BICC1: variants seen among roughly 807,000 people sequenced by gnomAD.
BICC1 encodes the protein BicC family RNA binding protein 1.
In BICC1, 43 loss-of-function variants were observed where a neutral mutation model predicts 111.0. The ratio of observed to expected loss-of-function variants is 0.39; its 90% CI spans 0.30 to 0.50. The LOEUF (loss-of-function observed/expected upper bound fraction) is 0.50, where lower values mean the gene tolerates loss of function less well. BICC1 is among the 20% of genes least tolerant of loss of function. The pLI is 0.88. For synonymous variants in BICC1, 467 were observed against 434.4 expected (o/e 1.07, Z -0.93); for missense variants, 1,091 against 1,203.2 (o/e 0.91, Z 1.38).
rs1266077763 is a variant in BICC1 at position 58,585,634 on chromosome 10, A to G, written c.191-35221A>G. Among the ~76,000 whole-genome samples, 5 of 152,278 alleles carry G rather than the reference A, an allele frequency of 3.3e-5. No individual in the cohort carries two copies. The East Asian group carries it at 9.6e-4, about 29-fold the overall frequency. Reference sequence around the variant, plus strand: ...TTGTGCATTCTCCCTCCTCCCCCAGAAAAACCTTATACTTCCCCTTTTCTT... The same window carrying G: ...TTGTGCATTCTCCCTCCTCCCCCAGGAAAACCTTATACTTCCCCTTTTCTT... On this transcript the variant is annotated intron_variant, in intron 1 of 20. Transcript: ENST00000373886.
At chr10:58,575,954 C>T (rs1422030023) in intron 1 of BICC1, among the ~76,000 whole-genome samples, 1 of 152,118 alleles carries the variant, frequency 6.6e-6, no homozygotes, top group African/African-American at 2.4e-5. Context: ...AATATTTGAG[C>T]ATTTATGCTA....
chr10:58,830,969 C>G lies in BICC1; in HGVS notation c.*2078C>G. On this transcript the variant is annotated 3_prime_UTR_variant, in exon 21 of 21. Coordinates refer to ENST00000373886, the MANE Select transcript of BICC1 (RefSeq NM_001080512.3). ...AATAATCTTGGAGCTCTTTTCCCAG[C>G]TGTCTACCATGCATTTGCAACAGGA... is the stretch of plus-strand genomic sequence containing the variant. The G allele has an allele frequency of 6.6e-6, 1 of 152,212 alleles. No homozygotes were observed. Among genetic ancestry groups the G allele is most frequent in the East Asian group, 1.9e-4 (1 of 5,200 alleles). The allele number at this position is 152,212 out of a possible 1,614,324, so 9.4% of individuals were successfully genotyped here. A position where few individuals can be genotyped will look rare whatever the true frequency, so the allele number is the denominator to read the frequency against.
chr10:58,810,732 A>C (rs2132925394), intron 17 of BICC1, among the ~76,000 whole-genome samples: 1 of 152,308 alleles, frequency 6.6e-6, no homozygotes, highest in Admixed American at 6.5e-5. Context: ...ATTTTTATTA[A>C]AATAGAGACC....
chr10:58,753,052 T>C (rs1456380272), intron 3 of BICC1, among the ~76,000 whole-genome samples: 1 of 152,178 alleles, frequency 6.6e-6, no homozygotes, highest in Non-Finnish European at 1.5e-5. Flanking sequence ...GGTGTTCCAC[T>C]CTTCCTTCCT....
chr10:58,562,168 A>T (rs1050565125), intron 1 of BICC1, among the ~76,000 whole-genome samples: 3 of 152,128 alleles, frequency 2.0e-5, no homozygotes, highest in African/African-American at 7.2e-5. Flanking sequence ...GGATATTTTC[A>T]GCTAGTATTT....
intron 3 of BICC1, among the ~76,000 whole-genome samples, chr10:58,763,737 G>C (rs555157484): frequency 6.6e-6 from 1 of 152,062 alleles, no homozygotes; most frequent in Non-Finnish European, 1.5e-5. Flanking sequence ...TTTGGACCTG[G>C]CACGTTGAAA....
intron 18 of BICC1, 61 bp downstream of exon 18, chr10:58,814,047 G>C: frequency 6.3e-7 from 1 of 1,590,436 alleles, no homozygotes; most frequent in Non-Finnish European, 8.6e-7. Context: ...GTTTATTTGG[G>C]TTGGAGTATC....
intron 2 of BICC1, among the ~76,000 whole-genome samples, chr10:58,623,755 T>C (rs1845899858): frequency 6.6e-6 from 1 of 152,042 alleles, no homozygotes; most frequent in South Asian, 2.1e-4. Context: ...GTGAGGGAGA[T>C]AGAATATTGA....
chr10:58,723,096 A>T (rs1247407767), intron 3 of BICC1, among the ~76,000 whole-genome samples: 1 of 152,164 alleles, frequency 6.6e-6, no homozygotes, highest in African/African-American at 2.4e-5. Context: ...AATGATGAAA[A>T]CTGTTGATTC....
chr10:58,581,863 AT>A (rs1354355419), intron 1 of BICC1, among the ~76,000 whole-genome samples: 1 of 151,878 alleles, frequency 6.6e-6, no homozygotes, highest in African/African-American at 2.4e-5. Flanking sequence ...GTATATTAGT[AT>A]TTTTTTCTCC....
chr10:58,724,973 G>A (rs1163013789), intron 3 of BICC1, among the ~76,000 whole-genome samples: 2 of 152,132 alleles, frequency 1.3e-5, no homozygotes. Context: ...TCTCATTTGA[G>A]GTTAGACACC....
At chr10:58,775,406 AC>A (rs1468903746) in intron 3 of BICC1, among the ~76,000 whole-genome samples, 5 of 151,938 alleles carry the variant, frequency 3.3e-5, no homozygotes, top group East Asian at 1.9e-4. Flanking sequence ...ACAAAAAAAA[AC>A]AAACAAAAAA....
intron 3 of BICC1, among the ~76,000 whole-genome samples, chr10:58,754,857 T>C (rs545204636): frequency 6.6e-6 from 1 of 152,200 alleles, no homozygotes; most frequent in Non-Finnish European, 1.5e-5. Context: ...GAGAAAGGAC[T>C]TTGAATGTGA....
At chr10:58,668,081 C>T (rs774071726) in intron 2 of BICC1, among the ~76,000 whole-genome samples, 5 of 151,962 alleles carry the variant, frequency 3.3e-5, no homozygotes, top group Non-Finnish European at 5.9e-5. Flanking sequence ...AAATATTTCA[C>T]GGTCATCCGG....
intron 1 of BICC1, among the ~76,000 whole-genome samples, chr10:58,595,890 A>G (rs1283734925): frequency 6.6e-6 from 1 of 152,236 alleles, no homozygotes; most frequent in African/African-American, 2.4e-5. Context: ...ATATAGAGAC[A>G]TGAAAAACTC....
In BICC1 at chr10:58,789,451, G is replaced by T. The variant is rs201679654; in HGVS notation, c.790G>T (p.Val264Leu). 71 of 1,610,176 alleles carry T rather than the reference G, an allele frequency of 4.4e-5. No individual in the cohort carries two copies. In the Middle Eastern group the frequency reaches 6.6e-4, roughly 15 times the overall value. ...AGGGTCTCAGAATAACACTAGTGCTGTGAAGGTAAATTATTCAGATAATTC... is the reference window on the plus strand; with the variant it reads ...AGGGTCTCAGAATAACACTAGTGCTTTGAAGGTAAATTATTCAGATAATTC... ...VRGSQNNTSA[V>L]KEGTAMLLEH... Residue 264 changes from valine (V) to leucine (L), a missense_variant, in exon 7 of 21, where the codon GTG becomes TTG. Around this residue, in one of 3 missense-constraint regions of BICC1, gnomAD observed 843 missense variants for 900.8 expected, o/e 0.94. Coordinates refer to ENST00000373886, the MANE Select transcript of BICC1 (RefSeq NM_001080512.3).
At chr10:58,659,493 A>G (rs1838770851) in intron 2 of BICC1, among the ~76,000 whole-genome samples, 1 of 152,178 alleles carries the variant, frequency 6.6e-6, no homozygotes, top group Admixed American at 6.5e-5. Flanking sequence ...CAGAAAACCA[A>G]ACACCATGTA....
At chr10:58,569,470 A>C (rs2842083) in intron 1 of BICC1, among the ~76,000 whole-genome samples, 69,918 of 151,974 alleles carry the variant, frequency 0.46, 17,113 homozygotes, top group Admixed American at 0.62. Context: ...TATACACATG[A>C]CATGGTGGTT....
chr10:58,826,456 TAAGA>T (rs542043212), intron 20 of BICC1, among the ~76,000 whole-genome samples: 15 of 152,260 alleles, frequency 9.9e-5, no homozygotes, highest in African/African-American at 3.6e-4. Flanking sequence ...TTTTTATTAG[TAAGA>T]AAGAAAGGAG....
Sources: gnomAD v4.1 joint callset for allele counts (sites outside exome capture counted in the v4.1 genomes callset) on GRCh38, gnomAD v4.1.1 for gene constraint, gnomAD v4.1.1 regional missense constraint, MANE v1.5 for transcripts, NCBI Gene and HGNC (gene_info 2026-07-23, HGNC 2026-07-21) for gene names.